DOCK9: variants seen among roughly 807,000 people sequenced by gnomAD.
The protein encoded by DOCK9 is dedicator of cytokinesis 9.
In DOCK9, 89 loss-of-function variants were observed where a neutral mutation model predicts 263.3. The observed-to-expected ratio is 0.34, with a 90% confidence interval of 0.28 to 0.40. DOCK9 has a LOEUF of 0.40. Among genes scored for constraint, DOCK9 ranks in the 10% least tolerant of loss-of-function variants. DOCK9 has a pLI of 1.00. For synonymous variants in DOCK9, 976 were observed against 973.1 expected (o/e 1.00, Z -0.06); for missense variants, 2,140 against 2,603.4 (o/e 0.82, Z 3.87).
chr13:99,001,450 C>T (rs1882281357), intron 1 of DOCK9, among the ~76,000 whole-genome samples: 2 of 152,286 alleles, frequency 1.3e-5, no homozygotes, highest in South Asian at 4.2e-4. Context: ...AGACTGGGGC[C>T]CTCATCCCAT....
intron 1 of DOCK9, among the ~76,000 whole-genome samples, chr13:99,059,613 C>A (rs2041090217): frequency 6.6e-6 from 1 of 152,192 alleles, no homozygotes. Flanking sequence ...TAAAATCCTT[C>A]AGAGGCTCTC....
intron 1 of DOCK9, among the ~76,000 whole-genome samples, chr13:99,058,117 GC>G (rs1434557940): frequency 6.6e-6 from 1 of 151,204 alleles, no homozygotes; most frequent in Non-Finnish European, 1.5e-5. Flanking sequence ...AAACACCCAG[GC>G]CTGGGTGGGG....
rs777951414 is a variant in DOCK9, at chr13:98,904,719, T to C, written c.961-13A>G. 1.0e-5 allele frequency: 16 copies of C among 1,545,016 alleles called. No homozygotes were observed. Among genetic ancestry groups the C allele is most frequent in the Admixed American group, 6.0e-5 (3 of 49,870 alleles). On this transcript the variant is annotated splice_polypyrimidine_tract_variant and intron_variant, in intron 9 of 52. Coordinates refer to ENST00000682017, the MANE Select transcript of DOCK9 (RefSeq NM_001366683.2). ...CTTCTCTTGCACTCTGATAACAAGATACATGAAAATTACATTTAACACAAT... is the reference window on the plus strand; with the variant it reads ...CTTCTCTTGCACTCTGATAACAAGACACATGAAAATTACATTTAACACAAT...
chr13:98,894,746 G>C (rs1170541214), intron 15 of DOCK9, among the ~76,000 whole-genome samples: 2 of 151,722 alleles, frequency 1.3e-5, no homozygotes, highest in Middle Eastern at 3.4e-3. Context: ...ACTACCAATA[G>C]AGAAGATTTT....
At chr13:98,935,747 G>A (rs1389802111) in intron 2 of DOCK9, among the ~76,000 whole-genome samples, 1 of 152,150 alleles carries the variant, frequency 6.6e-6, no homozygotes, top group African/African-American at 2.4e-5. Context: ...CAGACTGGGT[G>A]ACAGAATGAG....
Position 98,888,721 on chromosome 13 carries a change from AAAG to A in DOCK9, c.1710-13_1710-11del, listed in dbSNP as rs775728662. On this transcript the variant is annotated splice_polypyrimidine_tract_variant and intron_variant, in intron 15 of 52. Transcript: ENST00000682017. ...AGCCATCTTCTCAGGTCTGCAAACA[AAAG>A]AAGAGAAAAATTAAACATTCGTAAG... 171 of 1,610,804 alleles carry A rather than the reference AAAG, an allele frequency of 1.1e-4. No individual in the cohort carries two copies. Among genetic ancestry groups the A allele is most frequent in the Non-Finnish European group, 8.5e-5 (100 of 1,178,246 alleles).
Position 98,904,705 on chromosome 13 carries a change from C to T in DOCK9, c.962G>A (p.Ser321Asn), listed in dbSNP as rs1298634667. Reference protein sequence around the residue: ...LDSYLPELAKSAREAEIKLKS... With the variant: ...LDSYLPELAKNAREAEIKLKS... ...CAGTTTGATTTCTGCTTCTCTTGCA[C>T]TCTGATAACAAGATACATGAAAATT... Residue 321 changes from serine (S) to asparagine (N), a missense_variant and splice_region_variant, in exon 10 of 53, where the codon AGT becomes AAT. Coordinates refer to ENST00000682017, the MANE Select transcript of DOCK9 (RefSeq NM_001366683.2). 1 of 1,551,620 alleles carries T rather than the reference C, an allele frequency of 6.4e-7. No homozygotes were observed. The highest frequency in any genetic ancestry group is 1.2e-5 in the South Asian group (1 of 83,546).
At chr13:98,826,570 C>G (rs1157184766) in intron 44 of DOCK9, among the ~76,000 whole-genome samples, 4 of 152,192 alleles carry the variant, frequency 2.6e-5, no homozygotes, top group Admixed American at 2.6e-4. Flanking sequence ...AGATGCAAAA[C>G]TCATTAGCTA....
intron 19 of DOCK9, 109 bp from the exon 20 acceptor site, chr13:98,885,940 G>A (rs1265218527): frequency 3.8e-5 from 40 of 1,042,226 alleles, no homozygotes; most frequent in Non-Finnish European, 5.0e-5. Context: ...CTTGTTCTCC[G>A]AGCGGATATT....
At chr13:98,979,178 CAATAGT>C (rs1002505704), upstream of DOCK9, among the ~76,000 whole-genome samples, 4 of 117,214 alleles carry the variant, frequency 3.4e-5, no homozygotes, top group South Asian at 3.0e-4. Context: ...GTAGCAGCAG[CAATAGT>C]AGTAGTAGTA....
intron 2 of DOCK9, among the ~76,000 whole-genome samples, chr13:98,953,678 C>A (rs1271438332): frequency 6.6e-6 from 1 of 152,236 alleles, no homozygotes. Flanking sequence ...ACATGCAGTA[C>A]AATTTATAAT....
chr13:98,966,972 GA>G (rs770556933), intron 1 of DOCK9, among the ~76,000 whole-genome samples: 35 of 152,356 alleles, frequency 2.3e-4, no homozygotes, highest in Middle Eastern at 3.4e-3. Context: ...GAGAAGCTCT[GA>G]GGTTGGGGCC....
intron 9 of DOCK9, among the ~76,000 whole-genome samples, chr13:98,906,616 G>T (rs1210850550): frequency 6.6e-6 from 1 of 152,188 alleles, no homozygotes; most frequent in South Asian, 2.1e-4. Context: ...AACCACAGCA[G>T]AAAAGGCGTC....
intron 1 of DOCK9, among the ~76,000 whole-genome samples, chr13:98,989,248 C>G (rs1879187189): frequency 6.6e-6 from 1 of 151,396 alleles, no homozygotes; most frequent in Non-Finnish European, 1.5e-5. Flanking sequence ...AGCCAAGACC[C>G]CTGTCTTGTA....
At chr13:99,030,214 A>C (rs1433437814) in intron 1 of DOCK9, among the ~76,000 whole-genome samples, 1 of 152,236 alleles carries the variant, frequency 6.6e-6, no homozygotes, top group Non-Finnish European at 1.5e-5. Context: ...AATTTACTAA[A>C]ACTTGTTGAA....
chr13:98,874,798 C>T (rs2094287114), intron 27 of DOCK9, among the ~76,000 whole-genome samples: 1 of 152,148 alleles, frequency 6.6e-6, no homozygotes. Flanking sequence ...TCTTTATACT[C>T]TCTGTCATCT....
intron 3 of DOCK9, among the ~76,000 whole-genome samples, chr13:98,929,410 G>A (rs887964096): frequency 2.6e-5 from 4 of 152,058 alleles, no homozygotes; most frequent in Non-Finnish European, 4.4e-5. Flanking sequence ...AGGCGTGGTG[G>A]TGCACGCCTG....
chr13:98,874,495 C>T (rs373047771), intron 27 of DOCK9, among the ~76,000 whole-genome samples: 11 of 152,200 alleles, frequency 7.2e-5, no homozygotes, highest in Non-Finnish European at 1.6e-4. Flanking sequence ...CATTTCTCTT[C>T]AGCAGATATC....
intron 1 of DOCK9, among the ~76,000 whole-genome samples, chr13:99,006,068 A>C (rs1478776821): frequency 3.9e-5 from 6 of 152,266 alleles, no homozygotes; most frequent in African/African-American, 1.2e-4. Context: ...TACCATTTAC[A>C]TTCAAACCTC....
Sources: gnomAD v4.1 joint callset for allele counts (sites outside exome capture counted in the v4.1 genomes callset) on GRCh38, gnomAD v4.1.1 for gene constraint, MANE v1.5 for transcripts, NCBI Gene and HGNC (gene_info 2026-07-23, HGNC 2026-07-21) for gene names.